The following DIS3L2 variants were observed in gnomAD, a reference collection of about 807,000 sequenced individuals.
The protein encoded by DIS3L2 is DIS3 like 3'-5' exoribonuclease 2, also known as DIS3-like exonuclease 2.
In DIS3L2, 34 loss-of-function variants were observed where a neutral mutation model predicts 97.5. That is an observed-to-expected ratio of 0.35 (90% CI 0.27 to 0.46). The LOEUF is 0.46. DIS3L2 is among the 20% of genes least tolerant of loss of function. DIS3L2 has a pLI of 1.00. For synonymous variants in DIS3L2, 435 were observed against 445.2 expected (o/e 0.98, Z 0.29); for missense variants, 1,038 against 1,146.0 (o/e 0.91, Z 1.36).
chr2:232,201,448 A>G (rs1217825433), intron 9 of DIS3L2, among the ~76,000 whole-genome samples: 1 of 152,248 alleles, frequency 6.6e-6, no homozygotes, highest in African/African-American at 2.4e-5. Context: ...TTACAAGACA[A>G]CTGACCTGGA....
intron 1 of DIS3L2, among the ~76,000 whole-genome samples, chr2:231,999,511 C>A (rs1352834567): frequency 2.0e-5 from 3 of 152,188 alleles, no homozygotes; most frequent in African/African-American, 4.8e-5. Context: ...CATTTCGATT[C>A]TAGCCTTTCC....
At chr2:232,111,863 G>A (rs1302487024) in intron 6 of DIS3L2, among the ~76,000 whole-genome samples, 1 of 152,184 alleles carries the variant, frequency 6.6e-6, no homozygotes, top group Non-Finnish European at 1.5e-5. Flanking sequence ...GACTTGCTAA[G>A]TATTATACAT....
chr2:232,278,611 T>A (rs1019006968), intron 13 of DIS3L2, among the ~76,000 whole-genome samples: 1 of 152,214 alleles, frequency 6.6e-6, no homozygotes, highest in Non-Finnish European at 1.5e-5. Flanking sequence ...TGAAAGTGCA[T>A]TTGAGGGTCG....
In DIS3L2 at chr2:232,110,748, T is replaced by A. The variant is rs367690847; in HGVS notation, c.602-19871T>A. Among the ~76,000 whole-genome samples, 5 of 152,200 alleles carry A rather than the reference T, an allele frequency of 3.3e-5. No individual in the cohort carries two copies. In the East Asian group the frequency reaches 5.8e-4, roughly 18 times the overall value. On this transcript the variant is annotated intron_variant, in intron 6 of 20. Transcript: ENST00000325385. ...AAGATCAGGAAAAATAGCCAATGGATGTTGGGCTTAACACCTGGGTGATGG... is the reference window on the plus strand; with the variant it reads ...AAGATCAGGAAAAATAGCCAATGGAAGTTGGGCTTAACACCTGGGTGATGG...
At chr2:232,048,504 G>A (rs374037030) in intron 5 of DIS3L2, among the ~76,000 whole-genome samples, 17 of 152,230 alleles carry the variant, frequency 1.1e-4, no homozygotes, top group Non-Finnish European at 2.2e-4. Context: ...AGGCCGAGGC[G>A]GGTGGATCAT....
intron 9 of DIS3L2, among the ~76,000 whole-genome samples, chr2:232,176,107 T>C (rs1691144501): frequency 1.3e-5 from 2 of 152,198 alleles, no homozygotes; most frequent in South Asian, 4.1e-4. Context: ...GCCAGGCTAG[T>C]CTTGAACTCC....
At chr2:232,209,019 T>C (rs1692111560) in intron 9 of DIS3L2, among the ~76,000 whole-genome samples, 1 of 152,182 alleles carries the variant, frequency 6.6e-6, no homozygotes, top group African/African-American at 2.4e-5. Context: ...ACATTTGACA[T>C]TTCTGAAATT....
intron 5 of DIS3L2, 67 bp downstream of exon 5, chr2:232,030,147 C>A: frequency 7.2e-7 from 1 of 1,394,390 alleles, no homozygotes; most frequent in Non-Finnish European, 1.0e-6. Context: ...GGTGCACCAA[C>A]AAGGCATCAT....
At chr2:232,307,386 T>G (rs1018110891) in intron 14 of DIS3L2, 2 of 152,212 alleles carry the variant, frequency 1.3e-5, no homozygotes, top group African/African-American at 4.8e-5. Flanking sequence ...AAATTACACA[T>G]GACATCAGGG....
At chr2:232,279,948 T>G (rs1212494291) in intron 13 of DIS3L2, among the ~76,000 whole-genome samples, 2 of 152,254 alleles carry the variant, frequency 1.3e-5, no homozygotes, top group African/African-American at 4.8e-5. Context: ...TCTCTCTGGC[T>G]TATCTTTTCC....
Position 232,086,687 on chromosome 2 carries a change from A to ATT in DIS3L2, c.367-795_367-794dup, listed in dbSNP as rs1378043696. On this transcript the variant is annotated intron_variant, in intron 5 of 20. Transcript: ENST00000325385. Reference sequence around the variant, plus strand: ...TGTGTGTGTGTGTGTGTATATATATATTTTTTGAGACAGAGTCTCGCTCTG... The same window carrying ATT: ...TGTGTGTGTGTGTGTGTATATATATATTTTTTTTGAGACAGAGTCTCGCTCTG... Among the ~76,000 whole-genome samples, 58 of 139,474 alleles carry ATT rather than the reference A, an allele frequency of 4.2e-4. 1 individual carries two copies. The highest frequency in any genetic ancestry group is 1.3e-3 in the African/African-American group (47 of 35,856). The allele number at this position is 139,474 out of a possible 152,430, so 91.5% of individuals were successfully genotyped here.
At chr2:232,330,588 T>C in intron 15 of DIS3L2, 102 bp from the exon 16 acceptor site, 1 of 1,213,032 alleles carries the variant, frequency 8.2e-7, no homozygotes, top group East Asian at 2.4e-5. Flanking sequence ...AGGCAACTCC[T>C]CCCCCCAGAG....
Position 232,333,994 on chromosome 2 carries a change from G to T in DIS3L2, c.2158+7G>T. On this transcript the variant is annotated splice_region_variant and intron_variant, in intron 17 of 20. Coordinates refer to ENST00000325385, the MANE Select transcript of DIS3L2 (RefSeq NM_152383.5). ...CTCCTGGCTGCCGCGTTAGGTGAGG[G>T]GTGCAGTCGGGGTCAGGGCAGACCT... is the stretch of plus-strand genomic sequence containing the variant. 6.2e-7 allele frequency: 1 copy of T among 1,606,292 alleles called. No homozygotes were observed. The highest frequency in any genetic ancestry group is 2.2e-5 in the East Asian group (1 of 44,856).
chr2:231,994,079 G>GTTT (rs770565920), intron 1 of DIS3L2, among the ~76,000 whole-genome samples: 1 of 123,390 alleles, frequency 8.1e-6, no homozygotes, highest in Admixed American at 8.0e-5. Flanking sequence ...TTTTTTGTTG[G>GTTT]TTTTTTTTTT....
intron 8 of DIS3L2, among the ~76,000 whole-genome samples, chr2:232,142,291 T>TTGA (rs1690082738): frequency 6.6e-6 from 1 of 152,152 alleles, no homozygotes; most frequent in East Asian, 1.9e-4. Context: ...AAGCTGTGTC[T>TTGA]TCAACACTGA....
At chr2:232,011,572 C>T (rs530639085) in intron 1 of DIS3L2, among the ~76,000 whole-genome samples, 2 of 152,172 alleles carry the variant, frequency 1.3e-5, no homozygotes, top group South Asian at 4.1e-4. Flanking sequence ...AGGCTGGTCT[C>T]GAACTCCCGA....
At chr2:232,137,917 C>T (rs779298724) in intron 8 of DIS3L2, among the ~76,000 whole-genome samples, 12 of 152,160 alleles carry the variant, frequency 7.9e-5, no homozygotes, top group Admixed American at 1.3e-4. Flanking sequence ...CAAGCTTGCC[C>T]GTTTCTCACC....
At chr2:232,252,062 TAGTC>T (rs1217597506) in intron 12 of DIS3L2, among the ~76,000 whole-genome samples, 1 of 152,190 alleles carries the variant, frequency 6.6e-6, no homozygotes, top group African/African-American at 2.4e-5. Context: ...AAGGGCCAGA[TAGTC>T]AGTATCCCTG....
chr2:232,140,225 A>T (rs899173495), intron 8 of DIS3L2, among the ~76,000 whole-genome samples: 3 of 152,288 alleles, frequency 2.0e-5, no homozygotes, highest in Non-Finnish European at 2.9e-5. Flanking sequence ...CTCAAAAAAA[A>T]ATGTTCCTTG....
Sources: gnomAD v4.1 joint callset for allele counts (sites outside exome capture counted in the v4.1 genomes callset) on GRCh38, gnomAD v4.1.1 for gene constraint, MANE v1.5 for transcripts, NCBI Gene and HGNC (gene_info 2026-07-23, HGNC 2026-07-21) for gene names.